MAGI1: variants seen among roughly 807,000 people sequenced by gnomAD.
MAGI1 encodes membrane-associated guanylate kinase, WW and PDZ domain-containing protein 1.
Under a neutral mutation model 139.9 loss-of-function variants are expected in MAGI1, and 58 were observed. The observed-to-expected ratio is 0.41, with a 90% CI of 0.34 to 0.52. The LOEUF (loss-of-function observed/expected upper bound fraction) is 0.52, where lower values mean the gene tolerates loss of function less well. Among genes scored for constraint, MAGI1 ranks in the 20% least tolerant of loss-of-function variants. The probability of loss-of-function intolerance (pLI) is 0.12; values close to 1 mark genes in which losing one functional copy is unlikely to be tolerated. For missense variants in MAGI1, 1,874 were observed against 1,901.6 expected (o/e 0.99, Z 0.27); for synonymous variants, 812 against 737.9 (o/e 1.10, Z -1.63).
chr3:65,544,928 T>C (rs920417862), intron 2 of MAGI1, among the ~76,000 whole-genome samples: 1 of 152,234 alleles, frequency 6.6e-6, no homozygotes, highest in Non-Finnish European at 1.5e-5. Context: ...AACAGCCACA[T>C]GCATGTTACC....
chr3:65,483,233 T>C (rs113925126), intron 3 of MAGI1, among the ~76,000 whole-genome samples: 2,585 of 152,350 alleles, frequency 0.017, 68 homozygotes, highest in African/African-American at 0.058. Context: ...CTTATTCTGC[T>C]GTGAACTGCC....
intron 1 of MAGI1, among the ~76,000 whole-genome samples, chr3:65,906,678 G>A (rs1478195621): frequency 1.3e-5 from 2 of 152,196 alleles, no homozygotes; most frequent in Admixed American, 1.3e-4. Flanking sequence ...TTGAGGTCAG[G>A]AGTTAGAGAC....
chr3:65,454,057 C>A (rs1439020886), intron 5 of MAGI1, among the ~76,000 whole-genome samples: 1 of 151,886 alleles, frequency 6.6e-6, no homozygotes, highest in Non-Finnish European at 1.5e-5. Context: ...GACACATTCC[C>A]AAAGATATCG....
At chr3:65,690,172 C>T (rs930767262) in intron 1 of MAGI1, among the ~76,000 whole-genome samples, 1 of 147,004 alleles carries the variant, frequency 6.8e-6, no homozygotes, top group African/African-American at 2.6e-5. Flanking sequence ...GTTTAATTTC[C>T]ACTGCAAATA....
chr3:65,821,356 G>T (rs2041939795), intron 1 of MAGI1, among the ~76,000 whole-genome samples: 1 of 152,066 alleles, frequency 6.6e-6, no homozygotes, highest in Admixed American at 6.6e-5. Flanking sequence ...ATGTTTATGT[G>T]ACTGGTATCC....
At chr3:65,783,963 A>G (rs2108025118) in intron 1 of MAGI1, among the ~76,000 whole-genome samples, 1 of 152,178 alleles carries the variant, frequency 6.6e-6, no homozygotes, top group African/African-American at 2.4e-5. Flanking sequence ...TCTCTACTAA[A>G]AATACAAAAA....
At chr3:65,894,798 T>C (rs1367449323) in intron 1 of MAGI1, among the ~76,000 whole-genome samples, 1 of 152,214 alleles carries the variant, frequency 6.6e-6, no homozygotes, top group East Asian at 1.9e-4. Flanking sequence ...TCAACTGCTT[T>C]TGAAAAGGCC....
chr3:65,979,477 G>A (rs868827905), intron 1 of MAGI1, among the ~76,000 whole-genome samples: 1 of 152,134 alleles, frequency 6.6e-6, no homozygotes, highest in African/African-American at 2.4e-5. Flanking sequence ...GCAACCCCAA[G>A]GAAACCTGAT....
intron 3 of MAGI1, among the ~76,000 whole-genome samples, chr3:65,489,325 A>T (rs1951835845): frequency 6.6e-6 from 1 of 152,224 alleles, no homozygotes; most frequent in Non-Finnish European, 1.5e-5. Context: ...CCCTTGCCTC[A>T]CAAAAAAAGT....
chr3:66,014,268 T>G (rs966832167), intron 1 of MAGI1, among the ~76,000 whole-genome samples: 1 of 152,148 alleles, frequency 6.6e-6, no homozygotes, highest in African/African-American at 2.4e-5. Context: ...TTCTCAGAGG[T>G]AGCCACAGGG....
At position 65,535,191 on chromosome 3, in the gene MAGI1, T is replaced by C. The variant is rs532294740; in HGVS notation, c.431-41560A>G. Among the ~76,000 whole-genome samples the C allele has an allele frequency of 5.9e-5, 9 of 152,248 alleles. No homozygotes were observed. In the South Asian group the frequency reaches 1.9e-3, roughly 32 times the overall value. Reference sequence around the variant, plus strand: ...GAAAGAGGAAAAGGAAGTCTGATGATAGTGGAGAGTTCTAATACCAGCTCA... The same window carrying C: ...GAAAGAGGAAAAGGAAGTCTGATGACAGTGGAGAGTTCTAATACCAGCTCA... On this transcript the variant is annotated intron_variant, in intron 2 of 22. Transcript: ENST00000402939.
intron 2 of MAGI1, among the ~76,000 whole-genome samples, chr3:65,508,014 T>G (rs553667023): frequency 7.9e-5 from 12 of 152,334 alleles, no homozygotes; most frequent in African/African-American, 2.2e-4. Context: ...ACCCAAGTTC[T>G]GGTCTTTACC....
At position 65,391,129 on chromosome 3, in the gene MAGI1, G is replaced by C; in HGVS notation, c.2416+13C>G. 6.2e-7 allele frequency: 1 copy of C among 1,612,724 alleles called. No individual in the cohort carries two copies. On this transcript the variant is annotated intron_variant, in intron 14 of 22. Coordinates refer to ENST00000402939, the MANE Select transcript of MAGI1 (RefSeq NM_001033057.2). Reference sequence around the variant, plus strand: ...AGGGGTCAGGGTAAGACAGAGGCCAGGATGCTACTCACGTCGGTTTTCATA... The same window carrying C: ...AGGGGTCAGGGTAAGACAGAGGCCACGATGCTACTCACGTCGGTTTTCATA...
At chr3:65,408,123 G>A (rs1394619998) in intron 12 of MAGI1, among the ~76,000 whole-genome samples, 1 of 152,060 alleles carries the variant, frequency 6.6e-6, no homozygotes, top group Non-Finnish European at 1.5e-5. Context: ...ACTCTATTGG[G>A]GCCTATAGTC....
intron 2 of MAGI1, among the ~76,000 whole-genome samples, chr3:65,610,740 TAGTATATATAC>T (rs1251868845): frequency 7.4e-5 from 2 of 26,906 alleles, no homozygotes; most frequent in African/African-American, 2.1e-4. Context: ...ATATAGTATA[TAGTATATATAC>T]AGTATATATA....
rs2079961527 is a variant in MAGI1 at position 65,553,764 on chromosome 3, CTA to C, written c.431-60135_431-60134del. ...AAGGTTACAAATGGACAGCAATGAA[CTA>C]TGTTTAGACCTTGGACTCTGCAGTC... On this transcript the variant is annotated intron_variant, in intron 2 of 22. Transcript: ENST00000402939. Among the ~76,000 whole-genome samples the C allele has an allele frequency of 2.0e-5, 3 of 152,262 alleles. No individual in the cohort carries two copies. The South Asian group carries it at 6.2e-4, about 32-fold the overall frequency.
chr3:65,821,963 T>A (rs1189384368), intron 1 of MAGI1, among the ~76,000 whole-genome samples: 1 of 152,224 alleles, frequency 6.6e-6, no homozygotes, highest in African/African-American at 2.4e-5. Context: ...CATTTCAACC[T>A]GACCAGATCA....
intron 16 of MAGI1, among the ~76,000 whole-genome samples, chr3:65,380,364 T>C (rs1208263066): frequency 6.6e-6 from 1 of 152,222 alleles, no homozygotes; most frequent in Non-Finnish European, 1.5e-5. Flanking sequence ...AAAATAAGCA[T>C]AACAAATTTT....
At chr3:65,609,354 T>A (rs2082918421) in intron 2 of MAGI1, among the ~76,000 whole-genome samples, 1 of 151,918 alleles carries the variant, frequency 6.6e-6, no homozygotes, top group Non-Finnish European at 1.5e-5. Context: ...GTTGACTCAC[T>A]GCAACCTCTG....
Sources: allele counts gnomAD v4.1 joint callset (sites outside exome capture counted in the v4.1 genomes callset), GRCh38; gene constraint gnomAD v4.1.1; transcripts MANE v1.5; gene names NCBI Gene and HGNC (gene_info 2026-07-23, HGNC 2026-07-21).